BACH2: variants seen among roughly 807,000 people sequenced by gnomAD.
The protein encoded by BACH2 is BACH transcriptional regulator 2.
BACH2 carries 5 observed loss-of-function variants against 61.8 expected under a neutral mutation model. The observed-to-expected ratio is 0.08, with a 90% CI of 0.04 to 0.17. The LOEUF (loss-of-function observed/expected upper bound fraction) is 0.17. BACH2 is among the 10% of genes least tolerant of loss of function. BACH2 has a pLI of 1.00. For missense variants in BACH2, 824 were observed against 1,091.1 expected (o/e 0.76, Z 3.45); for synonymous variants, 446 against 440.1 (o/e 1.01, Z -0.17).
Position 90,011,932 on chromosome 6 carries a change from A to ATGTGTGTGTGTGTGTG in BACH2, c.-12-3092_-12-3077dup, listed in dbSNP as rs71027919. 3.8e-3 allele frequency among the ~76,000 whole-genome samples: 436 copies of ATGTGTGTGTGTGTGTG among 114,288 alleles called. 4 individuals are homozygous for ATGTGTGTGTGTGTGTG. The highest frequency in any genetic ancestry group is 9.3e-3 in the Middle Eastern group (2 of 216). The allele number at this position is 114,288 out of a possible 152,430, so 75.0% of individuals were successfully genotyped here. A position where few individuals can be genotyped will look rare whatever the true frequency, so the allele number is the denominator to read the frequency against. On this transcript the variant is annotated intron_variant, in intron 5 of 8. Coordinates refer to ENST00000257749, the MANE Select transcript of BACH2 (RefSeq NM_021813.4). ...AAGACTCTGTCTCAAAAAAAAAAAT[A>ATGTGTGTGTGTGTGTG]TGTGTGTGTGTGTGTGTGTGTGTGT...
intron 7 of BACH2, among the ~76,000 whole-genome samples, chr6:89,946,641 G>A (rs1037242965): frequency 6.6e-6 from 1 of 152,142 alleles, no homozygotes; most frequent in African/African-American, 2.4e-5. Context: ...CTGTGTGATC[G>A]ACCTACAGCC....
At chr6:89,961,726 C>T (rs1774754904) in intron 6 of BACH2, among the ~76,000 whole-genome samples, 1 of 152,182 alleles carries the variant, frequency 6.6e-6, no homozygotes, top group African/African-American at 2.4e-5. Flanking sequence ...TGAGTTCTTA[C>T]ACCTTTCTTG....
chr6:90,030,291 A>G (rs1267805886), intron 5 of BACH2, among the ~76,000 whole-genome samples: 1 of 152,112 alleles, frequency 6.6e-6, no homozygotes, highest in Non-Finnish European at 1.5e-5. Context: ...ATGCTTTCAG[A>G]ATGTGACAGC....
At chr6:90,135,613 G>A (rs556051820) in intron 4 of BACH2, among the ~76,000 whole-genome samples, 15 of 152,278 alleles carry the variant, frequency 9.9e-5, no homozygotes, top group South Asian at 8.3e-4. Context: ...ATACTCGAGA[G>A]CTGAGTAGGA....
chr6:90,036,812 C>A (rs1179277675), intron 5 of BACH2, among the ~76,000 whole-genome samples: 1 of 152,122 alleles, frequency 6.6e-6, no homozygotes, highest in African/African-American at 2.4e-5. Context: ...TAAACCAAAT[C>A]TTATCAATCT....
At chr6:90,174,033 A>G (rs1314220986) in intron 4 of BACH2, among the ~76,000 whole-genome samples, 1 of 152,168 alleles carries the variant, frequency 6.6e-6, no homozygotes, top group Admixed American at 6.5e-5. Flanking sequence ...TCACATATTA[A>G]TAGAAATATT....
At chr6:90,237,261 T>C (rs1770290771) in intron 3 of BACH2, among the ~76,000 whole-genome samples, 1 of 152,096 alleles carries the variant, frequency 6.6e-6, no homozygotes, top group Admixed American at 6.6e-5. Flanking sequence ...AGCTTGAAAG[T>C]ACAGAGGAAG....
intron 6 of BACH2, among the ~76,000 whole-genome samples, chr6:89,995,128 T>C (rs1325622036): frequency 2.0e-5 from 3 of 152,220 alleles, no homozygotes; most frequent in African/African-American, 7.2e-5. Flanking sequence ...ACATCTGGTT[T>C]TTAAAGCTCT....
chr6:90,039,169 A>G, intron 5 of BACH2, among the ~76,000 whole-genome samples: 1 of 152,224 alleles, frequency 6.6e-6, no homozygotes, highest in Non-Finnish European at 1.5e-5. Context: ...TACAATTTAT[A>G]TAACCAATTC....
rs200675044 is a variant in BACH2, at chr6:90,092,280, T to TAAAAAAAAAAAAAA, written c.-161-3172_-161-3171insTTTTTTTTTTTTTT. On this transcript the variant is annotated intron_variant, in intron 4 of 8. Coordinates refer to ENST00000257749, the MANE Select transcript of BACH2 (RefSeq NM_021813.4). ...CTGTGCAATTGGCACACTGTCAAAG[T>TAAAAAAAAAAAAAA]AAAAAAAAAAAATATATATATATAT... Among the ~76,000 whole-genome samples the TAAAAAAAAAAAAAA allele has an allele frequency of 8.4e-3, 630 of 75,376 alleles. 25 individuals carry two copies. The highest frequency in any genetic ancestry group is 0.021 in the African/African-American group (327 of 15,544). 49.4% of individuals were successfully genotyped at this position (75,376 alleles called of 152,430 possible). A position where few individuals can be genotyped will look rare whatever the true frequency, so the allele number is the denominator to read the frequency against.
At chr6:90,131,489 A>C (rs1473221933) in intron 4 of BACH2, among the ~76,000 whole-genome samples, 1 of 152,206 alleles carries the variant, frequency 6.6e-6, no homozygotes, top group Non-Finnish European at 1.5e-5. Flanking sequence ...CCATCAGGAT[A>C]CCAAACTTCC....
Position 90,056,453 on chromosome 6 carries a change from A to T in BACH2, c.-13+32508T>A, listed in dbSNP as rs1333493792. Among the ~76,000 whole-genome samples, 5 of 152,350 alleles carry T rather than the reference A, an allele frequency of 3.3e-5. No homozygotes were observed. In the East Asian group the frequency reaches 5.8e-4, roughly 18 times the overall value. On this transcript the variant is annotated intron_variant, in intron 5 of 8. Coordinates refer to ENST00000257749, the MANE Select transcript of BACH2 (RefSeq NM_021813.4). ...TAAATATATATGCACCCAATACAGC[A>T]GCACCCAGATTCATAAAGCAAGTCC...
At chr6:90,272,145 T>C (rs1771544921) in intron 1 of BACH2, among the ~76,000 whole-genome samples, 1 of 152,156 alleles carries the variant, frequency 6.6e-6, no homozygotes, top group Non-Finnish European at 1.5e-5. Context: ...CACCTCCTCA[T>C]GTCACCAAGA....
chr6:90,080,479 G>A lies in BACH2; in HGVS notation c.-13+8482C>T, dbSNP rs185417133. ...GATATTTAGAGATAACCATCTTGACGGCAAATAATAAAAACAAAATTGATG... is the reference window on the plus strand; with the variant it reads ...GATATTTAGAGATAACCATCTTGACAGCAAATAATAAAAACAAAATTGATG... On this transcript the variant is annotated intron_variant, in intron 5 of 8. Coordinates refer to ENST00000257749, the MANE Select transcript of BACH2 (RefSeq NM_021813.4). Among the ~76,000 whole-genome samples the A allele has an allele frequency of 2.4e-3, 364 of 152,122 alleles. 1 individual carries two copies. Among genetic ancestry groups the A allele is most frequent in the African/African-American group, 8.6e-3 (358 of 41,498 alleles).
intron 5 of BACH2, among the ~76,000 whole-genome samples, chr6:90,053,979 G>A (rs1055727802): frequency 6.6e-6 from 1 of 152,122 alleles, no homozygotes; most frequent in Admixed American, 6.5e-5. Flanking sequence ...CTGGAATGCC[G>A]GTGGGGAGGA....
At chr6:90,282,713 G>A (rs908640305) in intron 1 of BACH2, among the ~76,000 whole-genome samples, 5 of 151,950 alleles carry the variant, frequency 3.3e-5, no homozygotes, top group African/African-American at 1.2e-4. Context: ...AGGACTTTGA[G>A]CAATCATCAC....
intron 3 of BACH2, among the ~76,000 whole-genome samples, chr6:90,247,927 T>C (rs1582529925): frequency 6.6e-6 from 1 of 152,204 alleles, no homozygotes; most frequent in East Asian, 1.9e-4. Flanking sequence ...GCATTCTGTA[T>C]CTTTCTTGGA....
chr6:90,013,570 G>A (rs1246775601), intron 5 of BACH2, among the ~76,000 whole-genome samples: 17 of 147,012 alleles, frequency 1.2e-4, no homozygotes, highest in African/African-American at 2.0e-4. Context: ...GCAGTGGCGC[G>A]ATCTCGGCTC....
intron 4 of BACH2, among the ~76,000 whole-genome samples, chr6:90,180,860 TAC>T (rs111933173): frequency 0.024 from 3,540 of 146,472 alleles, 43 homozygotes; most frequent in Middle Eastern, 0.042. Flanking sequence ...TTATGTGTAT[TAC>T]ACACACACAC....
Sources: gnomAD v4.1 joint callset for allele counts (sites outside exome capture counted in the v4.1 genomes callset) on GRCh38, gnomAD v4.1.1 for gene constraint, MANE v1.5 for transcripts, NCBI Gene and HGNC (gene_info 2026-07-23, HGNC 2026-07-21) for gene names.